Variants in PAPOLA observed in about 807,000 individuals in gnomAD.
PAPOLA encodes polynucleotide adenylyltransferase alpha.
In PAPOLA, 15 loss-of-function variants were observed where a neutral mutation model predicts 100.6. The ratio of observed to expected loss-of-function variants is 0.15; its 90% CI spans 0.10 to 0.23. The LOEUF is 0.23. PAPOLA is among the 10% of genes least tolerant of loss of function. The probability of loss-of-function intolerance (pLI) is 1.00; values close to 1 mark genes in which losing one functional copy is unlikely to be tolerated. For synonymous variants in PAPOLA, 293 were observed against 300.0 expected (o/e 0.98, Z 0.24); for missense variants, 533 against 884.2 (o/e 0.60, Z 5.04).
chr14:96,555,805 ATT>A, intron 17 of PAPOLA, 40 bp from the exon 18 acceptor site: 1 of 1,031,442 alleles, frequency 9.7e-7, no homozygotes, highest in Non-Finnish European at 1.4e-6. Context: ...TTATTTTTCT[ATT>A]TTTAAATTTT....
rs1407054553 is a variant in PAPOLA at position 96,547,881 on chromosome 14, A to T, written c.1484A>T (p.Gln495Leu). Reference protein sequence around the residue: ...AMHVKRKQLHQLLPNHVLQKK... With the variant: ...AMHVKRKQLHLLLPNHVLQKK... Reference sequence around the variant, plus strand: ...CATGTAAAAAGAAAGCAACTCCATCAACTACTACCTAATCATGTGCTTCAG... The same window carrying T: ...CATGTAAAAAGAAAGCAACTCCATCTACTACTACCTAATCATGTGCTTCAG... The change falls in exon 16 of 22, where the codon CAA (glutamine) becomes CTA (leucine). Residue 495 changes from glutamine to leucine, a missense_variant. Gln to Leu is a moderately radical substitution (Grantham distance 113). Around this residue, in one of 9 missense-constraint regions of PAPOLA, gnomAD observed 18 missense variants for 74.9 expected, o/e 0.24. Transcript: ENST00000216277. 1 of 1,611,000 alleles carries T rather than the reference A, an allele frequency of 6.2e-7. No individual in the cohort carries two copies. Among genetic ancestry groups the T allele is most frequent in the Non-Finnish European group, 8.5e-7 (1 of 1,178,188 alleles).
chr14:96,513,531 T>C (rs1184007557), intron 1 of PAPOLA, among the ~76,000 whole-genome samples: 3 of 152,226 alleles, frequency 2.0e-5, no homozygotes, highest in Non-Finnish European at 4.4e-5. Context: ...AAAATTGGTA[T>C]GTGCATTTTT....
rs759482324 is a variant in PAPOLA at position 96,566,781 on chromosome 14, C to T, written c.*1731C>T. On this transcript the variant is annotated 3_prime_UTR_variant, in exon 22 of 22. Transcript: ENST00000216277. Reference sequence around the variant, plus strand: ...GGTGTCTGTGTGTTTTGTGTAGCTTCAGAGTTAGATTGAAATTACCAGGCA... The same window carrying T: ...GGTGTCTGTGTGTTTTGTGTAGCTTTAGAGTTAGATTGAAATTACCAGGCA... 1 of 152,428 alleles carries T rather than the reference C, an allele frequency of 6.6e-6. No homozygotes were observed. The highest frequency in any genetic ancestry group is 1.5e-5 in the Non-Finnish European group (1 of 67,974). The allele number at this position is 152,428 out of a possible 1,614,324, so 9.4% of individuals were successfully genotyped here. A position where few individuals can be genotyped will look rare whatever the true frequency, so the allele number is the denominator to read the frequency against.
Position 96,543,706 on chromosome 14 carries a change from T to C in PAPOLA, c.1290-443T>C, listed in dbSNP as rs191422016. On this transcript the variant is annotated intron_variant, in intron 14 of 21. Transcript: ENST00000216277. ...GCTAAATCACTAATTACTCCTGTTA[T>C]GCTTCTGTTCATGTGGCCTTTTAAA... is the stretch of plus-strand genomic sequence containing the variant. Among the ~76,000 whole-genome samples, 11 of 152,210 alleles carry C rather than the reference T, an allele frequency of 7.2e-5. No homozygotes were observed. In the East Asian group the frequency reaches 2.1e-3, roughly 29 times the overall value.
At chr14:96,529,547 C>A (rs1898803054) in intron 6 of PAPOLA, among the ~76,000 whole-genome samples, 1 of 151,672 alleles carries the variant, frequency 6.6e-6, no homozygotes, top group Admixed American at 6.6e-5. Context: ...ACGTTGAAAC[C>A]CTGTCTGTAC....
intron 1 of PAPOLA, chr14:96,504,675 T>A (rs1896589149): frequency 6.6e-6 from 1 of 152,266 alleles, no homozygotes; most frequent in Non-Finnish European, 1.5e-5. Flanking sequence ...CGTTCCAGCC[T>A]GGGTGACAGA....
At chr14:96,562,562 G>A in intron 20 of PAPOLA, 1 of 262,842 alleles carries the variant, frequency 3.8e-6, no homozygotes, top group East Asian at 7.7e-5. Context: ...CCAAGTTGGA[G>A]CTGGTTGGAA....
In PAPOLA at chr14:96,527,778, C is replaced by T. The variant is rs1482646421; in HGVS notation, c.442-175C>T. ...ATGAAATAATCTGGCCACAATCATA[C>T]ATCTGATGAGTGGGTGAAGTAAAAT... On this transcript the variant is annotated intron_variant, in intron 5 of 21. Transcript: ENST00000216277. The T allele has an allele frequency of 4.7e-6, 3 of 644,392 alleles. No individual in the cohort carries two copies. The African/African-American group carries it at 5.5e-5, about 12-fold the overall frequency. The allele number at this position is 644,392 out of a possible 1,614,324, so 39.9% of individuals were successfully genotyped here.
chr14:96,540,704 C>G lies in PAPOLA; in HGVS notation c.1116-1539C>G, dbSNP rs559726012. On this transcript the variant is annotated intron_variant, in intron 12 of 21. Coordinates refer to ENST00000216277, the MANE Select transcript of PAPOLA (RefSeq NM_032632.5). Reference sequence around the variant, plus strand: ...AGTTTGGACTGCATATTCACATATCCCTATATACCTTGTTTTTTATATATC... The same window carrying G: ...AGTTTGGACTGCATATTCACATATCGCTATATACCTTGTTTTTTATATATC... Among the ~76,000 whole-genome samples the G allele has an allele frequency of 1.5e-3, 226 of 152,100 alleles. 1 individual carries two copies. In the Middle Eastern group the frequency reaches 0.017, roughly 11 times the overall value.
chr14:96,524,278 C>G (rs1898267605), intron 3 of PAPOLA, among the ~76,000 whole-genome samples: 1 of 152,054 alleles, frequency 6.6e-6, no homozygotes, highest in Non-Finnish European at 1.5e-5. Flanking sequence ...AACCGTAAAG[C>G]TTGGGACTTT....
intron 1 of PAPOLA, among the ~76,000 whole-genome samples, chr14:96,507,884 C>T (rs372643881): frequency 4.7e-4 from 72 of 151,740 alleles, no homozygotes; most frequent in East Asian, 2.7e-3. Flanking sequence ...TTTTGTTTTT[C>T]GTTTTTCTTG....
intron 12 of PAPOLA, among the ~76,000 whole-genome samples, chr14:96,539,755 A>G (rs867815175): frequency 2.0e-5 from 3 of 152,168 alleles, no homozygotes; most frequent in Non-Finnish European, 4.4e-5. Flanking sequence ...TTAGATGTAC[A>G]CTAGGTTTCT....
intron 15 of PAPOLA, among the ~76,000 whole-genome samples, chr14:96,545,892 T>C (rs943739364): frequency 1.3e-5 from 2 of 152,082 alleles, no homozygotes; most frequent in East Asian, 3.9e-4. Context: ...TCACGGATAC[T>C]TACCTGGATT....
intron 6 of PAPOLA, among the ~76,000 whole-genome samples, chr14:96,531,094 T>A (rs1465488178): frequency 2.6e-5 from 4 of 152,140 alleles, no homozygotes; most frequent in Non-Finnish European, 5.9e-5. Flanking sequence ...TTCTGCCTCC[T>A]GGGTTCACAC....
intron 3 of PAPOLA, among the ~76,000 whole-genome samples, chr14:96,524,597 C>T (rs780621320): frequency 2.6e-5 from 4 of 152,004 alleles, no homozygotes; most frequent in Non-Finnish European, 4.4e-5. Context: ...TCATGGCTCA[C>T]GTAGCCTTGA....
chr14:96,538,267 C>G (rs1165729270), intron 12 of PAPOLA, among the ~76,000 whole-genome samples: 1 of 151,926 alleles, frequency 6.6e-6, no homozygotes, highest in Non-Finnish European at 1.5e-5. Flanking sequence ...AATGATGAAA[C>G]TAGATTCAAA....
chr14:96,507,987 T>C (rs1389709216), intron 1 of PAPOLA, among the ~76,000 whole-genome samples: 1 of 152,182 alleles, frequency 6.6e-6, no homozygotes, highest in Non-Finnish European at 1.5e-5. Flanking sequence ...GTGATTCTCC[T>C]GCCTCAGCCT....
chr14:96,522,393 A>G (rs1415391344), intron 3 of PAPOLA, among the ~76,000 whole-genome samples: 1 of 151,096 alleles, frequency 6.6e-6, no homozygotes, highest in Non-Finnish European at 1.5e-5. Flanking sequence ...TGCTGGGATT[A>G]CAGGCGTGAG....
intron 1 of PAPOLA, 39 bp from the exon 2 acceptor site, chr14:96,520,016 A>G (rs1248431967): frequency 2.7e-6 from 4 of 1,502,536 alleles, no homozygotes; most frequent in African/African-American, 1.4e-5. Flanking sequence ...CAAATTGTAG[A>G]ATTCTTTTGG....
Sources: allele counts gnomAD v4.1 joint callset (sites outside exome capture counted in the v4.1 genomes callset), GRCh38; gene constraint gnomAD v4.1.1; regional missense constraint gnomAD v4.1.1; transcripts MANE v1.5; gene names NCBI Gene and HGNC (gene_info 2026-07-23, HGNC 2026-07-21).